FHIP1A: variants seen among roughly 807,000 people sequenced by gnomAD.
FHIP1A encodes FHF complex subunit HOOK-interacting protein 1A.
FHIP1A carries 61 observed loss-of-function variants against 88.6 expected under a neutral mutation model. The ratio of observed to expected loss-of-function variants is 0.69; its 90% CI spans 0.56 to 0.85. The LOEUF (loss-of-function observed/expected upper bound fraction) is 0.85, where lower values mean the gene tolerates loss of function less well. Ranked by LOEUF, FHIP1A falls within the 40% of genes least tolerant of loss-of-function variation. The probability of loss-of-function intolerance (pLI) is 0.00; values close to 1 mark genes in which losing one functional copy is unlikely to be tolerated. For missense variants in FHIP1A, 1,154 were observed against 1,273.5 expected (o/e 0.91, Z 1.43); for synonymous variants, 478 against 496.0 (o/e 0.96, Z 0.48).
intron 5 of FHIP1A, among the ~76,000 whole-genome samples, 157 bp downstream of exon 5, chr4:151,578,233 C>T (rs77297019): frequency 2.6e-5 from 4 of 152,242 alleles, no homozygotes; most frequent in East Asian, 1.9e-4. Context: ...AGGGAGCAGA[C>T]GAATCTAAGT....
At position 151,623,279 on chromosome 4, in the gene FHIP1A, T is replaced by A. The variant is rs549886825; in HGVS notation, c.979-6423T>A. On this transcript the variant is annotated intron_variant, in intron 7 of 13. Transcript: ENST00000435205. ...TTTAGGGAGTTTCTGTGTCCCCTCT[T>A]AACCACAGCCTGTTCTAGGACACAC... 3.0e-4 allele frequency among the ~76,000 whole-genome samples: 46 copies of A among 152,298 alleles called. 1 individual carries two copies. Among genetic ancestry groups the A allele is most frequent in the African/African-American group, 1.0e-3 (43 of 41,574 alleles).
At chr4:151,458,028 T>C (rs1010415091) in intron 2 of FHIP1A, among the ~76,000 whole-genome samples, 4 of 152,248 alleles carry the variant, frequency 2.6e-5, no homozygotes, top group Admixed American at 2.6e-4. Flanking sequence ...CTAACATTTA[T>C]TGAGCACTTA....
chr4:151,615,966 A>C (rs889766981), intron 7 of FHIP1A, among the ~76,000 whole-genome samples: 2 of 152,132 alleles, frequency 1.3e-5, no homozygotes, highest in African/African-American at 2.4e-5. Context: ...TAGGGACCCA[A>C]CTACAATTTA....
At chr4:151,455,276 A>C (rs763279698) in intron 2 of FHIP1A, among the ~76,000 whole-genome samples, 12 of 152,230 alleles carry the variant, frequency 7.9e-5, no homozygotes, top group Non-Finnish European at 1.6e-4. Context: ...TGTTTCCTCT[A>C]TTGTTAGCCA....
Position 151,577,599 on chromosome 4 carries a change from G to T in FHIP1A, c.255G>T (p.Met85Ile), listed in dbSNP as rs1733842925. 2 of 1,551,828 alleles carry T rather than the reference G, an allele frequency of 1.3e-6. No homozygotes were observed. The highest frequency in any genetic ancestry group is 1.4e-5 in the African/African-American group (1 of 73,030). The part of the protein sequence containing the change: ...LIEEQAKDAA[M>I]GPILEFVVSE... ...AAGAGCAAGCCAAAGATGCTGCAAT[G>T]GGGCCGATTCTGGAATTTGTGGTCT... Residue 85 changes from methionine (M) to isoleucine (I), a missense_variant, in exon 5 of 14, where the codon ATG becomes ATT. Transcript: ENST00000435205.
chr4:151,568,848 G>A (rs995186323), intron 4 of FHIP1A, among the ~76,000 whole-genome samples: 1 of 152,128 alleles, frequency 6.6e-6, no homozygotes, highest in African/African-American at 2.4e-5. Context: ...TGGATACTAG[G>A]AATAAATGCT....
intron 9 of FHIP1A, 110 bp downstream of exon 9, chr4:151,638,866 A>T: frequency 5.9e-6 from 3 of 505,632 alleles, no homozygotes; most frequent in Non-Finnish European, 9.9e-6. Context: ...TGGTTGTATA[A>T]GCTAAAAAGG....
intron 7 of FHIP1A, among the ~76,000 whole-genome samples, chr4:151,618,667 A>G (rs1254764350): frequency 6.6e-6 from 1 of 152,176 alleles, no homozygotes; most frequent in Non-Finnish European, 1.5e-5. Context: ...TCATTGACAC[A>G]TGTCAACTCA....
chr4:151,665,579 A>G lies in FHIP1A; in HGVS notation c.*2825A>G, dbSNP rs546985912. 1.3e-5 allele frequency among the ~76,000 whole-genome samples: 2 copies of G among 152,292 alleles called. No individual in the cohort carries two copies. Among genetic ancestry groups the G allele is most frequent in the Non-Finnish European group, 2.9e-5 (2 of 68,022 alleles). ...AGGGAGTGACGTGGACATGCCAAAGAAAAACAGCAGAGAACTGAGTCTATC... is the reference window on the plus strand; with the variant it reads ...AGGGAGTGACGTGGACATGCCAAAGGAAAACAGCAGAGAACTGAGTCTATC... On this transcript the variant is annotated 3_prime_UTR_variant, in exon 14 of 14. Transcript: ENST00000435205.
intron 7 of FHIP1A, among the ~76,000 whole-genome samples, chr4:151,621,107 G>T (rs890565990): frequency 6.6e-6 from 1 of 152,148 alleles, no homozygotes; most frequent in Non-Finnish European, 1.5e-5. Flanking sequence ...AACAGAGAAG[G>T]AGTTTAGTCT....
chr4:151,622,478 C>A (rs1347757276), intron 7 of FHIP1A, among the ~76,000 whole-genome samples: 1 of 152,134 alleles, frequency 6.6e-6, no homozygotes, highest in Non-Finnish European at 1.5e-5. Context: ...CTTTTTCTTT[C>A]TAAGCCTGTC....
intron 1 of FHIP1A, among the ~76,000 whole-genome samples, chr4:151,440,407 G>A (rs1728360690): frequency 6.6e-6 from 1 of 152,108 alleles, no homozygotes; most frequent in South Asian, 2.1e-4. Context: ...AATATTGTTG[G>A]ATGAACAAAC....
rs1737231563 is a variant in FHIP1A, at chr4:151,656,303, C to T, written c.2623C>T (p.Leu875Phe). Residue 875 changes from leucine to phenylalanine, a missense_variant, in exon 12 of 14, where the codon CTT becomes TTT. Physicochemically the swap from Leu to Phe is conservative, Grantham distance 22. Transcript: ENST00000435205. This position sits in a 1 kb window ranked among gnomAD's most constrained non-coding sequence, Gnocchi z 4.2. ...LENSLHVNLL[L>F]IGIITQLASY... ...GAACTCTTTACATGTTAATTTGCTG[C>T]TTATCGGGATCATTACTCAGCTAGC... is the stretch of plus-strand genomic sequence containing the variant. The T allele has an allele frequency of 1.9e-6, 3 of 1,551,624 alleles. No individual in the cohort carries two copies. The East Asian group carries it at 7.3e-5, about 38-fold the overall frequency.
chr4:151,617,542 C>T (rs970069147), intron 7 of FHIP1A, among the ~76,000 whole-genome samples: 4 of 152,102 alleles, frequency 2.6e-5, no homozygotes, highest in African/African-American at 9.7e-5. Context: ...ATTCTTGCTC[C>T]CGTGTTCCTG....
chr4:151,558,018 AG>A lies in FHIP1A; in HGVS notation c.-122-8116del, dbSNP rs1733020407. Reference sequence around the variant, plus strand: ...AGTGAGATACAGTACTGCTTTATTCAGGGGTAAACAATCTTGTCAGAATTTC... The same window carrying A: ...AGTGAGATACAGTACTGCTTTATTCAGGGTAAACAATCTTGTCAGAATTTC... On this transcript the variant is annotated intron_variant, in intron 3 of 13. Coordinates refer to ENST00000435205, the MANE Select transcript of FHIP1A (RefSeq NM_001109977.3). 2.6e-5 allele frequency among the ~76,000 whole-genome samples: 4 copies of A among 152,310 alleles called. No individual in the cohort carries two copies. In the South Asian group the frequency reaches 8.3e-4, roughly 32 times the overall value.
intron 7 of FHIP1A, among the ~76,000 whole-genome samples, chr4:151,620,878 TAAA>T (rs149285456): frequency 1.4e-5 from 2 of 139,344 alleles, no homozygotes; most frequent in African/African-American, 2.7e-5. Context: ...ACACCGAGAA[TAAA>T]AAAAAAAAAC....
At position 151,645,217 on chromosome 4, in the gene FHIP1A, C is replaced by T. The variant is rs538253541; in HGVS notation, c.1227-1341C>T. Among the ~76,000 whole-genome samples, 3 of 152,218 alleles carry T rather than the reference C, an allele frequency of 2.0e-5. No individual in the cohort carries two copies. In the East Asian group the frequency reaches 5.8e-4, roughly 29 times the overall value. ...CAAAATATATATCTGCCCATGGAGA[C>T]AGTAGGAGGAGGGGATGAGGACCGC... On this transcript the variant is annotated intron_variant, in intron 9 of 13. Coordinates refer to ENST00000435205, the MANE Select transcript of FHIP1A (RefSeq NM_001109977.3).
At chr4:151,504,609 C>CATGTT (rs1299912191) in intron 3 of FHIP1A, among the ~76,000 whole-genome samples, 1 of 56,456 alleles carries the variant, frequency 1.8e-5, no homozygotes, top group African/African-American at 7.0e-5. Flanking sequence ...TATGTTATGT[C>CATGTT]ATGTTATGTT....
intron 5 of FHIP1A, among the ~76,000 whole-genome samples, chr4:151,585,749 T>C (rs1734186767): frequency 1.3e-5 from 2 of 152,210 alleles, no homozygotes; most frequent in Non-Finnish European, 2.9e-5. Context: ...GTTGACAGTT[T>C]TGAGTTCTTA....
Sources: gnomAD v4.1 joint callset for allele counts (sites outside exome capture counted in the v4.1 genomes callset) on GRCh38, gnomAD v4.1.1 for gene constraint, Gnocchi (gnomAD v3.1) non-coding constraint, MANE v1.5 for transcripts, NCBI Gene and HGNC (gene_info 2026-07-23, HGNC 2026-07-21) for gene names.